PTBP3: variants seen among roughly 807,000 people sequenced by gnomAD.
The protein encoded by PTBP3 is polypyrimidine tract binding protein 3, also known as polypyrimidine tract-binding protein 3.
In PTBP3, 20 loss-of-function variants were observed where a neutral mutation model predicts 58.7. That is an observed-to-expected ratio of 0.34 (90% CI 0.24 to 0.50). The LOEUF (loss-of-function observed/expected upper bound fraction) is 0.50, where lower values mean the gene tolerates loss of function less well. Among genes scored for constraint, PTBP3 ranks in the 20% least tolerant of loss-of-function variants. The pLI is 0.98. For synonymous variants in PTBP3, 185 were observed against 219.8 expected (o/e 0.84, Z 1.40); for missense variants, 509 against 637.2 (o/e 0.80, Z 2.17).
At chr9:112,344,250 C>T in the PTBP3 span, among the ~76,000 whole-genome samples, 1 of 152,090 alleles carries the variant, frequency 6.6e-6, no homozygotes, top group Admixed American at 6.6e-5. Context: ...TATTTGTCCT[C>T]TCTGAAACTC....
chr9:112,269,905 T>C lies in PTBP3; in HGVS notation c.205-1710A>G, dbSNP rs1401289915. On this transcript the variant is annotated intron_variant, in intron 3 of 13. Transcript: ENST00000374257. ...AACAAGAAAAAAACCAAGAACCACA[T>C]AAAACCAGTTAATTAAGTGGCAATT... Among the ~76,000 whole-genome samples, 4 of 151,356 alleles carry C rather than the reference T, an allele frequency of 2.6e-5. No homozygotes were observed. In the East Asian group the frequency reaches 7.7e-4, roughly 29 times the overall value.
chr9:112,250,967 C>A lies in PTBP3; in HGVS notation c.764G>T (p.Gly255Val). The A allele has an allele frequency of 6.2e-7, 1 of 1,607,732 alleles. No individual in the cohort carries two copies. The highest frequency in any genetic ancestry group is 1.7e-5 in the Admixed American group (1 of 59,230). Residue 255 changes from glycine to valine, a missense_variant, in exon 7 of 14, where the codon GGC (glycine) becomes GTC (valine). By Grantham distance (109) the Gly-to-Val change is moderately radical. Around this residue, in one of 4 missense-constraint regions of PTBP3, gnomAD observed 121 missense variants for 114.8 expected, o/e 1.05. Coordinates refer to ENST00000374257, the MANE Select transcript of PTBP3 (RefSeq NM_001163788.4). Reference protein sequence around the residue: ...FTRLDLPTGDGQPSLEPPMAA... With the variant: ...FTRLDLPTGDVQPSLEPPMAA... The stretch of plus-strand genomic sequence containing the variant: ...CATAGGGGGTTCAAGGGATGGCTGG[C>A]CATCACCAGTAGGAAGGTCTAAGCG...
intron 2 of PTBP3, among the ~76,000 whole-genome samples, chr9:112,278,874 ATCAAT>A (rs746815151): frequency 5.3e-5 from 8 of 152,220 alleles, no homozygotes; most frequent in Non-Finnish European, 7.3e-5. Context: ...GTACACTGTA[ATCAAT>A]AATACGTCTA....
At chr9:112,346,292 C>T in the PTBP3 span, among the ~76,000 whole-genome samples, 4 of 151,786 alleles carry the variant, frequency 2.6e-5, no homozygotes, top group Admixed American at 6.6e-5. Context: ...CTCAGCCTCC[C>T]GAGTAGCTGG....
intron 5 of PTBP3, among the ~76,000 whole-genome samples, chr9:112,256,180 G>C (rs1363808386): frequency 2.0e-5 from 3 of 150,834 alleles, no homozygotes; most frequent in Non-Finnish European, 3.0e-5. Context: ...CTTGAATCTG[G>C]GAGGTGGAGG....
At chr9:112,240,543 GATA>G (rs1835614177) in intron 7 of PTBP3, among the ~76,000 whole-genome samples, 1 of 151,140 alleles carries the variant, frequency 6.6e-6, no homozygotes, top group Non-Finnish European at 1.5e-5. Context: ...TATAATACTT[GATA>G]ATAAAGAATT....
intron 12 of PTBP3, among the ~76,000 whole-genome samples, chr9:112,224,671 T>C (rs888363227): frequency 1.3e-5 from 2 of 152,204 alleles, no homozygotes; most frequent in African/African-American, 4.8e-5. Context: ...CCAATTACTC[T>C]TGCCTGCTCA....
At chr9:112,284,377 A>G (rs1432181780) in intron 2 of PTBP3, among the ~76,000 whole-genome samples, 1 of 152,210 alleles carries the variant, frequency 6.6e-6, no homozygotes, top group Non-Finnish European at 1.5e-5. Flanking sequence ...ATGTGGAGTC[A>G]AAGGAGATTA....
chr9:112,339,290 C>CAAAAA, the PTBP3 span, among the ~76,000 whole-genome samples: 913 of 71,672 alleles, frequency 0.013, 45 homozygotes, highest in East Asian at 0.041. Flanking sequence ...GACTCTGTCT[C>CAAAAA]AAAAAAAAAA....
At chr9:112,354,799 G>A in the PTBP3 span, among the ~76,000 whole-genome samples, 1 of 152,120 alleles carries the variant, frequency 6.6e-6, no homozygotes, top group African/African-American at 2.4e-5. Context: ...TAAATGCTTG[G>A]TTAGGCACAA....
chr9:112,377,352 AAAAAC>A, the PTBP3 span, among the ~76,000 whole-genome samples: 1 of 152,192 alleles, frequency 6.6e-6, no homozygotes, highest in Non-Finnish European at 1.5e-5. Context: ...CTTATCTCAA[AAAAAC>A]AAAACAAAAC....
At chr9:112,339,094 A>G in the PTBP3 span, among the ~76,000 whole-genome samples, 4 of 152,240 alleles carry the variant, frequency 2.6e-5, no homozygotes, top group Admixed American at 6.5e-5. Context: ...ATCATCCTTT[A>G]AGATTTAGGC....
At chr9:112,371,946 T>C in the PTBP3 span, among the ~76,000 whole-genome samples, 5 of 152,196 alleles carry the variant, frequency 3.3e-5, no homozygotes, top group Non-Finnish European at 5.9e-5. Flanking sequence ...AGTCATGTTC[T>C]GTTGCTTGAC....
At chr9:112,279,806 T>C (rs1446790802) in intron 2 of PTBP3, among the ~76,000 whole-genome samples, 1 of 152,226 alleles carries the variant, frequency 6.6e-6, no homozygotes, top group Non-Finnish European at 1.5e-5. Flanking sequence ...TTTAGATCTT[T>C]TTAAATTTCT....
intron 1 of PTBP3, among the ~76,000 whole-genome samples, chr9:112,307,979 G>A (rs905198648): frequency 2.6e-5 from 4 of 152,186 alleles, no homozygotes; most frequent in East Asian, 1.9e-4. Flanking sequence ...ATCAGCTATC[G>A]TTAGTGTTAG....
At chr9:112,255,157 G>C (rs1193059336) in intron 5 of PTBP3, among the ~76,000 whole-genome samples, 1 of 152,146 alleles carries the variant, frequency 6.6e-6, no homozygotes, top group African/African-American at 2.4e-5. Context: ...CTAAGGTGTA[G>C]TCAAACTCAC....
At chr9:112,257,738 G>C (rs1344272566) in intron 5 of PTBP3, among the ~76,000 whole-genome samples, 1 of 152,108 alleles carries the variant, frequency 6.6e-6, no homozygotes, top group South Asian at 2.1e-4. Flanking sequence ...TCAGGAGTTC[G>C]AGACCAGCCT....
At chr9:112,268,648 G>A (rs1007013716) in intron 3 of PTBP3, among the ~76,000 whole-genome samples, 6 of 150,854 alleles carry the variant, frequency 4.0e-5, no homozygotes, top group African/African-American at 1.5e-4. Context: ...GGAGGTTGAG[G>A]GTGCAGTGAT....
chr9:112,288,535 A>G (rs930538023), intron 2 of PTBP3, among the ~76,000 whole-genome samples: 1 of 152,056 alleles, frequency 6.6e-6, no homozygotes, highest in Non-Finnish European at 1.5e-5. Context: ...CAGTCTAGAA[A>G]GAAAACTAGG....
Sources: gnomAD v4.1 joint callset for allele counts (sites outside exome capture counted in the v4.1 genomes callset) on GRCh38, gnomAD v4.1.1 for gene constraint, gnomAD v4.1.1 regional missense constraint, MANE v1.5 for transcripts, NCBI Gene and HGNC (gene_info 2026-07-23, HGNC 2026-07-21) for gene names.